ABTB2: variants seen among roughly 807,000 people sequenced by gnomAD.
The protein encoded by ABTB2 is ankyrin repeat and BTB domain containing 2, also known as ankyrin repeat and BTB/POZ domain-containing protein 2.
Under a neutral mutation model 104.1 loss-of-function variants are expected in ABTB2, and 56 were observed. That is an observed-to-expected ratio of 0.54 (90% CI 0.43 to 0.67). ABTB2 has a LOEUF of 0.67. Among genes scored for constraint, ABTB2 ranks in the 30% least tolerant of loss-of-function variants. The pLI, the probability that ABTB2 is intolerant of heterozygous loss-of-function variation, is 0.00. For missense variants in ABTB2, 1,279 were observed against 1,407.7 expected (o/e 0.91, Z 1.46); for synonymous variants, 606 against 608.2 (o/e 1.00, Z 0.05).
At chr11:34,173,955 C>T (rs1317237342) in intron 3 of ABTB2, among the ~76,000 whole-genome samples, 6 of 152,172 alleles carry the variant, frequency 3.9e-5, no homozygotes, top group African/African-American at 1.4e-4. Flanking sequence ...ATGACCACTC[C>T]TTCCTCATCT....
chr11:34,287,535 C>A (rs1854519882), intron 1 of ABTB2, among the ~76,000 whole-genome samples: 1 of 152,142 alleles, frequency 6.6e-6, no homozygotes, highest in Non-Finnish European at 1.5e-5. Flanking sequence ...CAAGACTCTG[C>A]CAAATAAATA....
chr11:34,341,828 T>C (rs1243176945), intron 1 of ABTB2, among the ~76,000 whole-genome samples: 1 of 152,188 alleles, frequency 6.6e-6, no homozygotes, highest in African/African-American at 2.4e-5. Context: ...CAAATGCCAT[T>C]GCTCTGATCT....
intron 1 of ABTB2, among the ~76,000 whole-genome samples, chr11:34,341,055 C>T (rs780021436): frequency 4.6e-5 from 7 of 152,180 alleles, no homozygotes; most frequent in Non-Finnish European, 1.0e-4. Context: ...TCTACCTCTG[C>T]GGGATACTGT....
At chr11:34,332,520 A>G (rs548959930) in intron 1 of ABTB2, among the ~76,000 whole-genome samples, 39 of 152,332 alleles carry the variant, frequency 2.6e-4, no homozygotes, top group African/African-American at 8.2e-4. Context: ...ATTTTAGCCA[A>G]TCACAGGGGT....
chr11:34,164,754 G>A lies in ABTB2; in HGVS notation c.1920C>T (p.Ala640=). ...GADPLLSMLE[A]HGMGSSLHED... is the part of the protein sequence containing the mutation. The stretch of plus-strand genomic sequence containing the variant: ...CGTGGAGGGAGGAGCCCATGCCGTG[G>A]GCCTCCAGCATGCTGAGGAGGGGGT... The change falls in exon 9 of 17, where the codon GCC becomes GCT. Residue 640 remains alanine (A), a synonymous_variant. Transcript: ENST00000435224. 1 of 1,559,628 alleles carries A rather than the reference G, an allele frequency of 6.4e-7. No homozygotes were observed. Among genetic ancestry groups the A allele is most frequent in the African/African-American group, 1.4e-5 (1 of 70,766 alleles).
chr11:34,355,880 C>T (rs924615077), intron 1 of ABTB2, among the ~76,000 whole-genome samples: 1 of 152,180 alleles, frequency 6.6e-6, no homozygotes, highest in Non-Finnish European at 1.5e-5. Flanking sequence ...GTGCAACCAC[C>T]CAATGGTTCC....
Position 34,272,303 on chromosome 11 carries a change from A to C in ABTB2, c.884-67613T>G, listed in dbSNP as rs75301895. On this transcript the variant is annotated intron_variant, in intron 1 of 16. Coordinates refer to ENST00000435224, the MANE Select transcript of ABTB2 (RefSeq NM_145804.3). ...TAATTATAGAGTCACAGGAAGCTGC[A>C]AAAAAAAAAAAAAAAAAAGAATACA... Among the ~76,000 whole-genome samples, 9 of 78,604 alleles carry C rather than the reference A, an allele frequency of 1.1e-4. No homozygotes were observed. The East Asian group carries it at 2.3e-3, about 20-fold the overall frequency. The allele number at this position is 78,604 out of a possible 152,430, so 51.6% of individuals were successfully genotyped here.
intron 3 of ABTB2, among the ~76,000 whole-genome samples, chr11:34,180,202 C>T (rs79630991): frequency 0.018 from 2,801 of 152,318 alleles, 89 homozygotes; most frequent in African/African-American, 0.064. Context: ...CTGCCCACCA[C>T]CCACTCCATC....
At chr11:34,274,579 A>ACACG (rs35632214) in intron 1 of ABTB2, among the ~76,000 whole-genome samples, 1 of 145,660 alleles carries the variant, frequency 6.9e-6, no homozygotes, top group African/African-American at 2.5e-5. Context: ...ACACACACAC[A>ACACG]CGCGTGTGTG....
intron 4 of ABTB2, among the ~76,000 whole-genome samples, chr11:34,172,320 C>T (rs1011619234): frequency 3.0e-5 from 4 of 134,292 alleles, no homozygotes; most frequent in East Asian, 2.1e-4. Flanking sequence ...TTCAGAGAGC[C>T]GAGATCACAC....
intron 1 of ABTB2, among the ~76,000 whole-genome samples, chr11:34,295,860 C>T (rs1476867930): frequency 6.6e-6 from 1 of 152,118 alleles, no homozygotes; most frequent in Non-Finnish European, 1.5e-5. Flanking sequence ...GGCACTAATC[C>T]CATTCATAAG....
chr11:34,282,645 G>A (rs1211524700), intron 1 of ABTB2, among the ~76,000 whole-genome samples: 1 of 151,744 alleles, frequency 6.6e-6, no homozygotes, highest in Non-Finnish European at 1.5e-5. Context: ...GCCTGCCTCA[G>A]CCTTCCAAGT....
chr11:34,226,815 C>T (rs764999604), intron 1 of ABTB2, among the ~76,000 whole-genome samples: 1 of 152,168 alleles, frequency 6.6e-6, no homozygotes, highest in African/African-American at 2.4e-5. Flanking sequence ...CCTGTAATCC[C>T]AGCACTTTGG....
Position 34,151,994 on chromosome 11 carries a change from G to T in ABTB2, c.*393C>A. The T allele has an allele frequency of 4.3e-6, 1 of 233,718 alleles. No individual in the cohort carries two copies. 14.5% of individuals were successfully genotyped at this position (233,718 alleles called of 1,614,324 possible). A position where few individuals can be genotyped will look rare whatever the true frequency, so the allele number is the denominator to read the frequency against. On this transcript the variant is annotated 3_prime_UTR_variant, in exon 17 of 17. Transcript: ENST00000435224. Reference sequence around the variant, plus strand: ...ATTCATAAGGATTCCTGTACCCCCAGGAGCCCCAGTTGGGATGGTCTGAGT... The same window carrying T: ...ATTCATAAGGATTCCTGTACCCCCATGAGCCCCAGTTGGGATGGTCTGAGT...
rs754817440 is a variant in ABTB2 at position 34,161,128 on chromosome 11, G to A, written c.2219-47C>T. On this transcript the variant is annotated intron_variant, in intron 10 of 16. Transcript: ENST00000435224. ...AGGCAGTCACGCACCACAGCTGAGC[G>A]CTCCCGGCACAGACCACAGCCTTTT... The A allele has an allele frequency of 1.8e-5, 28 of 1,533,932 alleles. 1 individual carries two copies. The highest frequency in any genetic ancestry group is 2.4e-5 in the East Asian group (1 of 42,390).
chr11:34,324,045 G>A (rs1855038772), intron 1 of ABTB2, among the ~76,000 whole-genome samples: 2 of 151,342 alleles, frequency 1.3e-5, no homozygotes, highest in Admixed American at 1.3e-4. Flanking sequence ...TAAGTAGCTG[G>A]GATTACAGGT....
intron 1 of ABTB2, among the ~76,000 whole-genome samples, chr11:34,208,578 A>G (rs1223175955): frequency 6.6e-6 from 1 of 151,926 alleles, no homozygotes; most frequent in Non-Finnish European, 1.5e-5. Context: ...AAGCCTCAAC[A>G]TTTCTCAATC....
chr11:34,173,206 T>A lies in ABTB2; in HGVS notation c.1346A>T (p.Gln449Leu), dbSNP rs757253395. The A allele has an allele frequency of 2.2e-5, 36 of 1,613,654 alleles. No individual in the cohort carries two copies. The highest frequency in any genetic ancestry group is 3.0e-5 in the Non-Finnish European group (35 of 1,179,950). The change falls in exon 4 of 17, where the codon CAG becomes CTG. Residue 449 changes from glutamine (Q) to leucine (L), a missense_variant. By Grantham distance (113) the Gln-to-Leu change is moderately radical. Transcript: ENST00000435224. ...SLTVDSGDIR[Q>L]AARLLLPGLD... ...ACCAGGCAGCAGCAGCCGGGCTGCC[T>A]GCCGGATGTCGCCGCTGTCCACGGT...
chr11:34,307,433 G>A (rs1329802072), intron 1 of ABTB2, among the ~76,000 whole-genome samples: 1 of 152,072 alleles, frequency 6.6e-6, no homozygotes, highest in Non-Finnish European at 1.5e-5. Context: ...AAAATGCTTG[G>A]AGAACAGCTC....
Sources: allele counts gnomAD v4.1 joint callset (sites outside exome capture counted in the v4.1 genomes callset), GRCh38; gene constraint gnomAD v4.1.1; transcripts MANE v1.5; gene names NCBI Gene and HGNC (gene_info 2026-07-23, HGNC 2026-07-21).